PTPRO: variants seen among roughly 807,000 people sequenced by gnomAD.
The protein encoded by PTPRO is protein tyrosine phosphatase receptor type O.
In PTPRO, 62 loss-of-function variants were observed where a neutral mutation model predicts 145.2. That is an observed-to-expected ratio of 0.43 (90% confidence interval 0.35 to 0.53). The LOEUF (loss-of-function observed/expected upper bound fraction) is 0.53. Among genes scored for constraint, PTPRO ranks in the 20% least tolerant of loss-of-function variants. The probability of loss-of-function intolerance (pLI) is 0.01; values close to 1 mark genes in which losing one functional copy is unlikely to be tolerated. For synonymous variants in PTPRO, 565 were observed against 514.7 expected, an observed-to-expected ratio of 1.10 and a Z score of -1.32; for missense variants, 1,345 against 1,482.7, an observed-to-expected ratio of 0.91 and a Z score of 1.53.
intron 1 of PTPRO, among the ~76,000 whole-genome samples, chr12:15,467,339 A>C (rs897474654): frequency 6.6e-6 from 1 of 151,958 alleles, no homozygotes; most frequent in East Asian, 1.9e-4. Context: ...TGAACTAATG[A>C]TATATGTCAC....
rs1160299267 is a variant in PTPRO, at chr12:15,413,674, G to A, written c.76-70300G>A. ...TACTAAAAATACGAAAATTAGCCAG[G>A]CATGGTAGCGCACACCTGTAGTCCC... On this transcript the variant is annotated intron_variant, in intron 1 of 26. Transcript: ENST00000281171. 3.9e-5 allele frequency among the ~76,000 whole-genome samples: 6 copies of A among 151,996 alleles called. No homozygotes were observed. In the East Asian group the frequency reaches 5.8e-4, roughly 15 times the overall value.
intron 21 of PTPRO, among the ~76,000 whole-genome samples, chr12:15,580,477 T>C (rs1944286524): frequency 6.6e-6 from 1 of 152,266 alleles, no homozygotes; most frequent in Non-Finnish European, 1.5e-5. Flanking sequence ...ATGTGATTTT[T>C]ACAGCCTTCT....
chr12:15,565,931 T>C (rs1591744889), intron 18 of PTPRO, among the ~76,000 whole-genome samples: 2 of 152,324 alleles, frequency 1.3e-5, no homozygotes, highest in East Asian at 1.9e-4. Flanking sequence ...AAATACAGTA[T>C]ATGAAAATCT....
intron 1 of PTPRO, among the ~76,000 whole-genome samples, chr12:15,432,162 C>G (rs1019818123): frequency 9.2e-5 from 14 of 152,140 alleles, no homozygotes; most frequent in Non-Finnish European, 1.6e-4. Flanking sequence ...TCACCCACCA[C>G]CCTGATGTAG....
At chr12:15,577,031 TA>T (rs1324725956) in intron 19 of PTPRO, among the ~76,000 whole-genome samples, 1 of 152,116 alleles carries the variant, frequency 6.6e-6, no homozygotes, top group Non-Finnish European at 1.5e-5. Flanking sequence ...ACAAGAAAAA[TA>T]GAGTCAACCT....
At chr12:15,477,932 C>T (rs190700855) in intron 1 of PTPRO, among the ~76,000 whole-genome samples, 1 of 152,276 alleles carries the variant, frequency 6.6e-6, no homozygotes, top group Non-Finnish European at 1.5e-5. Flanking sequence ...AACAAATGTT[C>T]CTCACCTGGC....
At chr12:15,535,503 C>T (rs756345019) in intron 12 of PTPRO, among the ~76,000 whole-genome samples, 1 of 152,184 alleles carries the variant, frequency 6.6e-6, no homozygotes, top group Admixed American at 6.5e-5. Context: ...CAGACATGTT[C>T]GGGCACGTTC....
chr12:15,432,133 C>T (rs549294866), intron 1 of PTPRO, among the ~76,000 whole-genome samples: 83 of 152,170 alleles, frequency 5.5e-4, no homozygotes, highest in Non-Finnish European at 9.7e-4. Flanking sequence ...TGTTATTTTT[C>T]CTGATCCTCT....
intron 1 of PTPRO, among the ~76,000 whole-genome samples, chr12:15,352,212 A>T (rs1726045572): frequency 6.6e-6 from 1 of 152,338 alleles, no homozygotes; most frequent in South Asian, 2.1e-4. Flanking sequence ...TTGACCAGCC[A>T]TCATTACATC....
At chr12:15,401,702 T>C (rs1190629560) in intron 1 of PTPRO, among the ~76,000 whole-genome samples, 2 of 152,202 alleles carry the variant, frequency 1.3e-5, no homozygotes, top group Non-Finnish European at 2.9e-5. Flanking sequence ...ATAGGTCAAT[T>C]TCATTAGACT....
chr12:15,483,902 A>AT (rs2136438952), intron 1 of PTPRO, 72 bp from the exon 2 acceptor site: 1 of 1,492,296 alleles, frequency 6.7e-7, no homozygotes, highest in South Asian at 1.1e-5. Flanking sequence ...TGTAAAAATT[A>AT]TCTTAGCATA....
chr12:15,340,589 T>C (rs539572151), intron 1 of PTPRO, among the ~76,000 whole-genome samples: 2 of 152,352 alleles, frequency 1.3e-5, no homozygotes, highest in African/African-American at 4.8e-5. Flanking sequence ...TTTTATCTTC[T>C]TCAGTGTAAT....
intron 2 of PTPRO, among the ~76,000 whole-genome samples, chr12:15,484,629 A>G (rs192445959): frequency 6.6e-6 from 1 of 152,236 alleles, no homozygotes; most frequent in East Asian, 1.9e-4. Context: ...GGGGACAATG[A>G]ACTGATACTC....
chr12:15,454,268 A>G (rs971260333), intron 1 of PTPRO, among the ~76,000 whole-genome samples: 6 of 152,170 alleles, frequency 3.9e-5, no homozygotes, highest in Admixed American at 2.6e-4. Flanking sequence ...CAGTTGTGCA[A>G]TGATAAGTCA....
chr12:15,399,284 A>G lies in PTPRO; in HGVS notation c.75+76483A>G, dbSNP rs374292647. Among the ~76,000 whole-genome samples, 26 of 152,368 alleles carry G rather than the reference A, an allele frequency of 1.7e-4. No individual in the cohort carries two copies. The East Asian group carries it at 4.2e-3, about 25-fold the overall frequency. ...CTATTCTGAGCTTTTTACATATATT[A>G]ACATATGTAGTTCTCACAAAAACCC... On this transcript the variant is annotated intron_variant, in intron 1 of 26. Transcript: ENST00000281171.
chr12:15,343,717 A>G (rs12312525), intron 1 of PTPRO, among the ~76,000 whole-genome samples: 37,462 of 151,954 alleles, frequency 0.25, 4,847 homozygotes, highest in Non-Finnish European at 0.29. Context: ...TTTTTGAGAC[A>G]GAGTCTGGAG....
chr12:15,565,592 G>T lies in PTPRO; in HGVS notation c.2712-1G>T. ...TTTGTCTTTTCTTTTTTAATTATCAGGAGTAAAAATGGTTTAAAGAAGAGG... is the reference window on the plus strand; with the variant it reads ...TTTGTCTTTTCTTTTTTAATTATCATGAGTAAAAATGGTTTAAAGAAGAGG... On this transcript the variant is annotated splice_acceptor_variant, in intron 17 of 26. Transcript: ENST00000281171. LOFTEE classifies it high-confidence loss of function. 6.9e-7 allele frequency: 1 copy of T among 1,452,114 alleles called. No individual in the cohort carries two copies. Among genetic ancestry groups the T allele is most frequent in the South Asian group, 1.1e-5 (1 of 86,970 alleles). The allele number at this position is 1,452,114 out of a possible 1,614,324, so 90.0% of individuals were successfully genotyped here.
intron 1 of PTPRO, among the ~76,000 whole-genome samples, chr12:15,380,517 A>G (rs947599955): frequency 6.6e-5 from 10 of 152,174 alleles, no homozygotes; most frequent in Non-Finnish European, 8.8e-5. Flanking sequence ...TTTAAAAGAC[A>G]TATTGGGCCA....
At chr12:15,556,170 A>G (rs1483457357) in intron 15 of PTPRO, among the ~76,000 whole-genome samples, 7 of 152,188 alleles carry the variant, frequency 4.6e-5, no homozygotes, top group Non-Finnish European at 1.5e-5. Flanking sequence ...AAAACCCTTG[A>G]GTTACAGGTA....
Sources: allele counts gnomAD v4.1 joint callset (sites outside exome capture counted in the v4.1 genomes callset), GRCh38; gene constraint gnomAD v4.1.1; transcripts MANE v1.5; gene names NCBI Gene and HGNC (gene_info 2026-07-23, HGNC 2026-07-21).